The following CACNA1B variants were observed in gnomAD, a reference collection of about 807,000 sequenced individuals.
The protein encoded by CACNA1B is voltage-dependent N-type calcium channel subunit alpha-1B.
A neutral mutation model predicts 247.2 loss-of-function variants in CACNA1B; 70 were observed. That is an observed-to-expected ratio of 0.28 (90% confidence interval 0.23 to 0.35). The LOEUF (loss-of-function observed/expected upper bound fraction) is 0.35. Among genes scored for constraint, CACNA1B ranks in the 10% least tolerant of loss-of-function variants. CACNA1B has a pLI of 1.00. For missense variants in CACNA1B, 2,367 were observed against 3,197.4 expected (o/e 0.74, Z 6.26); for synonymous variants, 1,231 against 1,294.4 (o/e 0.95, Z 1.05).
At chr9:138,022,670 C>T (rs1289004538) in intron 18 of CACNA1B, among the ~76,000 whole-genome samples, 1 of 152,084 alleles carries the variant, frequency 6.6e-6, no homozygotes, top group African/African-American at 2.4e-5. Context: ...CGGTGGCCTT[C>T]CTGGCCAGCC....
chr9:137,929,202 A>T (rs1957583193), intron 6 of CACNA1B, among the ~76,000 whole-genome samples: 1 of 152,182 alleles, frequency 6.6e-6, no homozygotes, highest in Non-Finnish European at 1.5e-5. Context: ...TTATACCAGC[A>T]GTGCACAAGG....
rs72769072 is a variant in CACNA1B, at chr9:138,002,413, T to C, written c.1975-4354T>C. The stretch of plus-strand genomic sequence containing the variant: ...AAACTTGAAAATGATTTAAAGATGA[T>C]TTAAAGAGTAAGAGGCCAGGCATGG... On this transcript the variant is annotated intron_variant, in intron 15 of 46. Coordinates refer to ENST00000371372, the MANE Select transcript of CACNA1B (RefSeq NM_000718.4). Among the ~76,000 whole-genome samples, 953 of 152,154 alleles carry C rather than the reference T, an allele frequency of 6.3e-3. 4 individuals carry two copies. Among genetic ancestry groups the C allele is most frequent in the Non-Finnish European group, 7.7e-3 (522 of 67,980 alleles).
chr9:138,089,374 C>T (rs549548877), intron 36 of CACNA1B, among the ~76,000 whole-genome samples: 2 of 152,080 alleles, frequency 1.3e-5, no homozygotes, highest in Non-Finnish European at 2.9e-5. Flanking sequence ...ATAAGTAAAC[C>T]AGTAATCAAC....
intron 3 of CACNA1B, among the ~76,000 whole-genome samples, chr9:137,895,487 A>G (rs1193083076): frequency 6.6e-6 from 1 of 152,192 alleles, no homozygotes; most frequent in East Asian, 1.9e-4. Context: ...AACATGGTAT[A>G]TTTCTCCATT....
intron 37 of CACNA1B, among the ~76,000 whole-genome samples, chr9:138,097,023 G>A (rs946160223): frequency 9.2e-5 from 14 of 151,758 alleles, no homozygotes; most frequent in Non-Finnish European, 1.6e-4. Flanking sequence ...CAGCCATAGC[G>A]TCCTTGTGAG....
intron 6 of CACNA1B, among the ~76,000 whole-genome samples, chr9:137,923,336 C>T (rs1290343302): frequency 2.0e-5 from 3 of 147,682 alleles, no homozygotes; most frequent in South Asian, 2.2e-4. Flanking sequence ...GGTGGTATTC[C>T]GTGGTGCCAG....
chr9:138,121,398 G>A lies in CACNA1B; in HGVS notation c.6490-71G>A, dbSNP rs1452666672. 3.2e-6 allele frequency: 4 copies of A among 1,236,102 alleles called. No homozygotes were observed. The highest frequency in any genetic ancestry group is 2.6e-5 in the Admixed American group (1 of 38,572). 76.6% of individuals were successfully genotyped at this position (1,236,102 alleles called of 1,614,324 possible). A position where few individuals can be genotyped will look rare whatever the true frequency, so the allele number is the denominator to read the frequency against. ...CCCCCCAGGCACCTGTGTGTGATGT[G>A]CTCTGTCTGTTGGTTCGGCTTTTTT... is the stretch of plus-strand genomic sequence containing the variant. On this transcript the variant is annotated intron_variant, in intron 46 of 46. Coordinates refer to ENST00000371372, the MANE Select transcript of CACNA1B (RefSeq NM_000718.4). The surrounding 1 kb of genome is among the most constrained non-coding windows in gnomAD (Gnocchi z 6.8).
chr9:138,006,312 C>T lies in CACNA1B; in HGVS notation c.1975-455C>T, dbSNP rs561104561. On this transcript the variant is annotated intron_variant, in intron 15 of 46. Transcript: ENST00000371372. ...TTTAGCCAGGCTGTGAGGCTAGACCCACCAAGTGGAGTGGCAGGAACTGAG... is the reference window on the plus strand; with the variant it reads ...TTTAGCCAGGCTGTGAGGCTAGACCTACCAAGTGGAGTGGCAGGAACTGAG... Among the ~76,000 whole-genome samples, 354 of 152,292 alleles carry T rather than the reference C, an allele frequency of 2.3e-3. 4 individuals are homozygous for T. The highest frequency in any genetic ancestry group is 2.9e-4 in the Non-Finnish European group (20 of 68,022).
chr9:138,096,172 G>A (rs1238479034), intron 36 of CACNA1B, among the ~76,000 whole-genome samples: 1 of 152,112 alleles, frequency 6.6e-6, no homozygotes, highest in East Asian at 1.9e-4. Flanking sequence ...TTAACTGCAC[G>A]TCACGGATTT....
In CACNA1B at chr9:138,122,353, C is replaced by T. The variant is rs895009593; in HGVS notation, c.*354C>T. 9.7e-6 allele frequency: 3 copies of T among 310,496 alleles called. No homozygotes were observed. Among genetic ancestry groups the T allele is most frequent in the Admixed American group, 4.6e-5 (1 of 21,818 alleles). The allele number at this position is 310,496 out of a possible 1,614,324, so 19.2% of individuals were successfully genotyped here. A position where few individuals can be genotyped will look rare whatever the true frequency, so the allele number is the denominator to read the frequency against. Reference sequence around the variant, plus strand: ...GTGCTTGGAGCCGTTGTGAGGAGCTCTGCGTCCTGTGGGGAGCACCCTTCA... The same window carrying T: ...GTGCTTGGAGCCGTTGTGAGGAGCTTTGCGTCCTGTGGGGAGCACCCTTCA... On this transcript the variant is annotated 3_prime_UTR_variant, in exon 47 of 47. Transcript: ENST00000371372.
rs1377139512 is a variant in CACNA1B, at chr9:138,117,835, T to C, written c.5778-111T>C. 6 of 829,940 alleles carry C rather than the reference T, an allele frequency of 7.2e-6. No homozygotes were observed. The African/African-American group carries it at 8.7e-5, about 12-fold the overall frequency. The allele number at this position is 829,940 out of a possible 1,614,324, so 51.4% of individuals were successfully genotyped here. On this transcript the variant is annotated intron_variant, in intron 42 of 46. Coordinates refer to ENST00000371372, the MANE Select transcript of CACNA1B (RefSeq NM_000718.4). ...TCCAGAACAGGGTGGCCAAACCCCC[T>C]GACCTCTGCTGCATGTGTTGGAGAC...
rs1420168542 is a variant in CACNA1B at position 137,963,243 on chromosome 9, C to T, written c.1333+5556C>T. On this transcript the variant is annotated intron_variant, in intron 10 of 46. Coordinates refer to ENST00000371372, the MANE Select transcript of CACNA1B (RefSeq NM_000718.4). The stretch of plus-strand genomic sequence containing the variant: ...TTTTCCATTTGCTTCATAAATTTTC[C>T]TCCATCCCTTTATTTTGAGCCCATG... Among the ~76,000 whole-genome samples, 3 of 152,204 alleles carry T rather than the reference C, an allele frequency of 2.0e-5. No individual in the cohort carries two copies. The East Asian group carries it at 5.8e-4, about 29-fold the overall frequency.
At chr9:138,086,213 C>T (rs1421030741) in intron 36 of CACNA1B, among the ~76,000 whole-genome samples, 3 of 150,860 alleles carry the variant, frequency 2.0e-5, no homozygotes, top group Non-Finnish European at 4.4e-5. Flanking sequence ...TTTAAATGAC[C>T]CAACTATATA....
rs541870934 is a variant in CACNA1B at position 138,091,563 on chromosome 9, T to C, written c.5095-4921T>C. On this transcript the variant is annotated intron_variant, in intron 36 of 46. Coordinates refer to ENST00000371372, the MANE Select transcript of CACNA1B (RefSeq NM_000718.4). Reference sequence around the variant, plus strand: ...AAATAGGAGAGCAAATTTTGAATGCTCCCAACACAGAAATAAGTGTTTGAG... The same window carrying C: ...AAATAGGAGAGCAAATTTTGAATGCCCCCAACACAGAAATAAGTGTTTGAG... Among the ~76,000 whole-genome samples, 17 of 152,318 alleles carry C rather than the reference T, an allele frequency of 1.1e-4. No individual in the cohort carries two copies. In the South Asian group the frequency reaches 3.5e-3, roughly 32 times the overall value.
chr9:137,967,836 A>C (rs1261726962), intron 10 of CACNA1B, among the ~76,000 whole-genome samples: 1 of 151,890 alleles, frequency 6.6e-6, no homozygotes, highest in Non-Finnish European at 1.5e-5. Flanking sequence ...CGTTTGTCTC[A>C]TTATTCTGTC....
rs761364707 is a variant in CACNA1B, at chr9:138,118,656, T to C, written c.5918T>C (p.Val1973Ala). ...IPVGRSGALA[V>A]DVQMQSITRR... ...AGGTGAGTGCTGTATCCACAGGCTG[T>C]GGACGTTCAGATGCAGAGCATAACC... Residue 1973 changes from valine (V) to alanine (A), a missense_variant, in exon 44 of 47, where the codon GTG becomes GCG. Val to Ala is a moderately conservative substitution (Grantham distance 64). Coordinates refer to ENST00000371372, the MANE Select transcript of CACNA1B (RefSeq NM_000718.4). 3 of 1,506,292 alleles carry C rather than the reference T, an allele frequency of 2.0e-6. No homozygotes were observed. The highest frequency in any genetic ancestry group is 2.7e-6 in the Non-Finnish European group (3 of 1,101,574). The allele number at this position is 1,506,292 out of a possible 1,614,324, so 93.3% of individuals were successfully genotyped here. A position where few individuals can be genotyped will look rare whatever the true frequency, so the allele number is the denominator to read the frequency against.
At chr9:138,107,263 TTTA>T (rs544925682) in intron 39 of CACNA1B, among the ~76,000 whole-genome samples, 22,447 of 122,634 alleles carry the variant, frequency 0.18, 2,021 homozygotes, top group Middle Eastern at 0.35. Context: ...TATTTATTTA[TTTA>T]TATAGGGTCT....
chr9:137,892,303 C>G, intron 3 of CACNA1B: 1 of 456,306 alleles, frequency 2.2e-6, no homozygotes, highest in Admixed American at 2.3e-5. Flanking sequence ...GGCGAGGCCT[C>G]TCCTCCTGGC....
intron 36 of CACNA1B, among the ~76,000 whole-genome samples, chr9:138,082,828 G>A (rs1019658096): frequency 6.6e-6 from 1 of 151,114 alleles, no homozygotes; most frequent in African/African-American, 2.5e-5. Context: ...AAATAACTGA[G>A]GGAGAGTCTC....
Sources: allele counts gnomAD v4.1 joint callset (sites outside exome capture counted in the v4.1 genomes callset), GRCh38; gene constraint gnomAD v4.1.1; non-coding constraint Gnocchi (gnomAD v3.1); transcripts MANE v1.5; gene names NCBI Gene and HGNC (gene_info 2026-07-23, HGNC 2026-07-21).